KALRN: variants seen among roughly 807,000 people sequenced by gnomAD.
The protein encoded by KALRN is kalirin.
Under a neutral mutation model 353.7 loss-of-function variants are expected in KALRN, and 70 were observed. The ratio of observed to expected loss-of-function variants is 0.20; its 90% CI spans 0.16 to 0.24. KALRN has a LOEUF of 0.24. KALRN is among the 10% of genes least tolerant of loss of function. KALRN has a pLI of 1.00. For synonymous variants in KALRN, 1,391 were observed against 1,434.8 expected (o/e 0.97, Z 0.69); for missense variants, 2,791 against 3,756.7 (o/e 0.74, Z 6.72).
intron 1 of KALRN, among the ~76,000 whole-genome samples, chr3:124,083,080 T>C (rs559998354): frequency 8.9e-4 from 136 of 152,360 alleles, no homozygotes; most frequent in African/African-American, 3.2e-3. Context: ...AGAGCAGCCT[T>C]GGTGTTCTGT....
intron 45 of KALRN, among the ~76,000 whole-genome samples, chr3:124,665,688 C>T (rs1261713549): frequency 1.3e-5 from 2 of 152,190 alleles, no homozygotes; most frequent in Non-Finnish European, 2.9e-5. Context: ...TGGTCTTGAA[C>T]TCCTGACCTC....
In KALRN at chr3:124,446,726, C is replaced by G. The variant is rs182970621; in HGVS notation, c.3430-37C>G. On this transcript the variant is annotated intron_variant, in intron 20 of 59. Transcript: ENST00000682506. ...TGGCATGTTTTCCTACTGACAGCTG[C>G]CTTTTTGGGGACTGGATGAGTTGTT... 6.8e-5 allele frequency: 110 copies of G among 1,612,872 alleles called. No homozygotes were observed. The Middle Eastern group carries it at 9.9e-4, about 15-fold the overall frequency.
chr3:124,365,577 G>T (rs2149718004), intron 10 of KALRN, among the ~76,000 whole-genome samples: 2 of 152,328 alleles, frequency 1.3e-5, no homozygotes, highest in Middle Eastern at 3.4e-3. Context: ...CCCAATCCTA[G>T]AGTGAACCAA....
intron 3 of KALRN, among the ~76,000 whole-genome samples, chr3:124,260,960 C>T (rs1404802704): frequency 1.3e-5 from 2 of 152,156 alleles, no homozygotes; most frequent in African/African-American, 4.8e-5. Flanking sequence ...CTCTGACCCC[C>T]AACTCCTGTC....
intron 1 of KALRN, among the ~76,000 whole-genome samples, chr3:124,047,222 G>C (rs189808315): frequency 6.6e-6 from 1 of 152,288 alleles, no homozygotes; most frequent in East Asian, 1.9e-4. Flanking sequence ...AATATTGAGT[G>C]AATGTCTGCC....
intron 36 of KALRN, among the ~76,000 whole-genome samples, chr3:124,634,874 C>G (rs746948857): frequency 2.0e-5 from 3 of 152,180 alleles, no homozygotes; most frequent in Non-Finnish European, 4.4e-5. Flanking sequence ...CTCTCCTGTG[C>G]TCTCTAGTGC....
chr3:124,316,332 A>G (rs1483101098), intron 6 of KALRN, among the ~76,000 whole-genome samples: 1 of 147,462 alleles, frequency 6.8e-6, no homozygotes, highest in African/African-American at 2.5e-5. Flanking sequence ...ATCCTGCCTA[A>G]AGGTGAGGTC....
intron 10 of KALRN, among the ~76,000 whole-genome samples, chr3:124,368,723 T>G (rs1217619952): frequency 1.4e-5 from 2 of 147,862 alleles, no homozygotes; most frequent in Non-Finnish European, 3.0e-5. Context: ...CTGGGAGGTG[T>G]AGGTTGTAGT....
rs73187395 is a variant in KALRN, at chr3:124,503,436, C to A, written c.4935+7023C>A. Among the ~76,000 whole-genome samples the A allele has an allele frequency of 3.7e-3, 480 of 130,410 alleles. 2 individuals are homozygous for A. Among genetic ancestry groups the A allele is most frequent in the Admixed American group, 6.3e-3 (73 of 11,662 alleles). The allele number at this position is 130,410 out of a possible 152,430, so 85.6% of individuals were successfully genotyped here. A position where few individuals can be genotyped will look rare whatever the true frequency, so the allele number is the denominator to read the frequency against. ...GGAAAAATACCATCTCCACTCTAAG[C>A]CCAAATTGTAATTTCTTTTTTTTTT... is the stretch of plus-strand genomic sequence containing the variant. On this transcript the variant is annotated intron_variant, in intron 33 of 59. Transcript: ENST00000682506.
chr3:124,348,456 A>C (rs1335738692), intron 10 of KALRN, among the ~76,000 whole-genome samples: 2 of 152,218 alleles, frequency 1.3e-5, no homozygotes, highest in African/African-American at 2.4e-5. Context: ...CTGCAAGCAT[A>C]TGCTGAAAAA....
At chr3:124,150,377 T>G (rs2067929298) in intron 1 of KALRN, among the ~76,000 whole-genome samples, 1 of 152,104 alleles carries the variant, frequency 6.6e-6, no homozygotes, top group African/African-American at 2.4e-5. Context: ...TCTTAAGGAA[T>G]GTTCAAGTTT....
chr3:124,144,346 T>A (rs2067012787), intron 1 of KALRN, among the ~76,000 whole-genome samples: 1 of 152,120 alleles, frequency 6.6e-6, no homozygotes, highest in African/African-American at 2.4e-5. Context: ...CTTAGCTAAA[T>A]TTTTCCCTGC....
chr3:124,183,394 A>G (rs2073857853), intron 1 of KALRN, among the ~76,000 whole-genome samples: 1 of 152,120 alleles, frequency 6.6e-6, no homozygotes, highest in South Asian at 2.1e-4. Flanking sequence ...TGAGAGTGGG[A>G]GCAAGAGGCT....
At chr3:124,411,433 CTTTTTTTTTTTTTTTT>C (rs61485429) in intron 13 of KALRN, among the ~76,000 whole-genome samples, 7 of 51,480 alleles carry the variant, frequency 1.4e-4, no homozygotes, top group Admixed American at 5.7e-4. Flanking sequence ...TTAAATTATG[CTTTTTTTTTTTTTTTT>C]TTTTTTTTTT....
At chr3:124,306,606 A>G (rs892573230) in intron 6 of KALRN, among the ~76,000 whole-genome samples, 1 of 152,174 alleles carries the variant, frequency 6.6e-6, no homozygotes, top group Non-Finnish European at 1.5e-5. Flanking sequence ...AGTGGCTGAA[A>G]TCTTTCAAAG....
chr3:124,641,669 TAATC>T (rs1044615398), intron 37 of KALRN, among the ~76,000 whole-genome samples: 1 of 152,214 alleles, frequency 6.6e-6, no homozygotes, highest in Non-Finnish European at 1.5e-5. Context: ...TGTAAACTGA[TAATC>T]AAGCATCTAC....
chr3:124,276,972 T>C (rs1415561151), intron 5 of KALRN, among the ~76,000 whole-genome samples: 1 of 152,026 alleles, frequency 6.6e-6, no homozygotes, highest in Non-Finnish European at 1.5e-5. Context: ...CACACATGTG[T>C]GCACACGTGC....
chr3:124,635,839 T>C (rs1406171224), intron 36 of KALRN, among the ~76,000 whole-genome samples: 1 of 152,200 alleles, frequency 6.6e-6, no homozygotes, highest in African/African-American at 2.4e-5. Flanking sequence ...GGAGAAAATT[T>C]TGCTTATTTG....
chr3:124,491,612 G>C (rs538796361), intron 31 of KALRN, 188 bp downstream of exon 31: 1 of 445,158 alleles, frequency 2.2e-6, no homozygotes, highest in Non-Finnish European at 4.0e-6. Flanking sequence ...TCTCAAAGAC[G>C]CATGGTCTCC....
Sources: allele counts gnomAD v4.1 joint callset (sites outside exome capture counted in the v4.1 genomes callset), GRCh38; gene constraint gnomAD v4.1.1; transcripts MANE v1.5; gene names NCBI Gene and HGNC (gene_info 2026-07-23, HGNC 2026-07-21).